SENP2: variants seen among roughly 807,000 people sequenced by gnomAD.
SENP2 encodes the protein SUMO specific peptidase 2.
Under a neutral mutation model 86.3 loss-of-function variants are expected in SENP2, and 16 were observed. The ratio of observed to expected loss-of-function variants is 0.19; its 90% CI spans 0.13 to 0.28. The LOEUF (loss-of-function observed/expected upper bound fraction) is 0.28. Ranked by LOEUF, SENP2 falls within the 10% of genes least tolerant of loss-of-function variation. The pLI is 1.00. For synonymous variants in SENP2, 222 were observed against 238.7 expected (o/e 0.93, Z 0.64); for missense variants, 552 against 703.0 (o/e 0.79, Z 2.43).
At chr3:185,628,194 T>C (rs1712234864) in intron 16 of SENP2, among the ~76,000 whole-genome samples, 1 of 152,042 alleles carries the variant, frequency 6.6e-6, no homozygotes, top group Admixed American at 6.6e-5. Flanking sequence ...TGGAGTGCAG[T>C]GTGGTGTGAT....
Position 185,586,610 on chromosome 3 carries a change from C to T in SENP2, c.101+96C>T. 1 of 1,163,806 alleles carries T rather than the reference C, an allele frequency of 8.6e-7. No homozygotes were observed. The highest frequency in any genetic ancestry group is 1.2e-6 in the Non-Finnish European group (1 of 801,126). 72.1% of individuals were successfully genotyped at this position (1,163,806 alleles called of 1,614,324 possible). Reference sequence around the variant, plus strand: ...TAGCTTTGATTCAGCCAGGCTCACCCGAAACAGGTCGCCGGGATCCTAGTG... The same window carrying T: ...TAGCTTTGATTCAGCCAGGCTCACCTGAAACAGGTCGCCGGGATCCTAGTG... On this transcript the variant is annotated intron_variant, in intron 1 of 16. Transcript: ENST00000296257. This position sits in a 1 kb window ranked among gnomAD's most constrained non-coding sequence, Gnocchi z 4.3.
rs754212707 is a variant in SENP2, at chr3:185,621,826, G to A, written c.1447G>A (p.Val483Met). 8 of 1,581,920 alleles carry A rather than the reference G, an allele frequency of 5.1e-6. No individual in the cohort carries two copies. In the African/African-American group the frequency reaches 9.4e-5, roughly 19 times the overall value. ...TGGATGTTATCTTTTTCCATTATAGGTGATTGACCTAAGAAAAAAGTGTCT... is the reference window on the plus strand; with the variant it reads ...TGGATGTTATCTTTTTCCATTATAGATGATTGACCTAAGAAAAAAGTGTCT... ...IHRKVHWSLV[V>M]IDLRKKCLKY... The change falls in exon 14 of 17, where the codon GTG (valine) becomes ATG (methionine). Residue 483 changes from valine to methionine, a missense_variant and splice_region_variant. Around this residue, in one of 2 missense-constraint regions of SENP2, gnomAD observed 169 missense variants for 275.7 expected, o/e 0.61. Transcript: ENST00000296257.
At chr3:185,623,825 T>TCAAAAAA (rs1712005799) in intron 14 of SENP2, among the ~76,000 whole-genome samples, 173 bp from the exon 15 acceptor site, 1 of 31,522 alleles carries the variant, frequency 3.2e-5, no homozygotes, top group Non-Finnish European at 5.1e-5. Flanking sequence ...AGACTCTGTC[T>TCAAAAAA]CAAAAAAAAA....
Position 185,632,213 on chromosome 3 carries a change from G to GTTTTTTTTTTTTTTTTTTTTTTTTTTTTT in SENP2, c.*2379_*2380insTTTTTTTTTTTTTTTTTTTTTTTTTTTTT, listed in dbSNP as rs369236428. On this transcript the variant is annotated 3_prime_UTR_variant, in exon 17 of 17. Coordinates refer to ENST00000296257, the MANE Select transcript of SENP2 (RefSeq NM_021627.3). ...CAAATTATCACCATTAAAGCCAGTGGTTTTTTTTTTGTTTTTTTTTTTTGT... is the reference window on the plus strand; with the variant it reads ...CAAATTATCACCATTAAAGCCAGTGGTTTTTTTTTTTTTTTTTTTTTTTTTTTTTTTTTTTTTTTGTTTTTTTTTTTTGT... The GTTTTTTTTTTTTTTTTTTTTTTTTTTTTT allele has an allele frequency of 8.0e-6, 1 of 125,326 alleles. No homozygotes were observed. Among genetic ancestry groups the GTTTTTTTTTTTTTTTTTTTTTTTTTTTTT allele is most frequent in the Non-Finnish European group, 1.6e-5 (1 of 60,740 alleles). The allele number at this position is 125,326 out of a possible 1,614,324, so 7.8% of individuals were successfully genotyped here. A position where few individuals can be genotyped will look rare whatever the true frequency, so the allele number is the denominator to read the frequency against.
At chr3:185,609,160 A>G in intron 6 of SENP2, 87 bp from the exon 7 acceptor site, 2 of 838,462 alleles carry the variant, frequency 2.4e-6, no homozygotes, top group Admixed American at 2.4e-5. Context: ...AGTGCTGGCA[A>G]ATAAAACACA....
intron 14 of SENP2, 96 bp downstream of exon 14, chr3:185,622,001 T>TC: frequency 1.4e-6 from 1 of 705,206 alleles, no homozygotes; most frequent in East Asian, 2.7e-5. Context: ...TAATGTGTAG[T>TC]TAAGGCTATT....
chr3:185,599,071 C>T (rs762468457), intron 4 of SENP2, 47 bp downstream of exon 4: 3 of 1,347,300 alleles, frequency 2.2e-6, no homozygotes, highest in Admixed American at 3.7e-5. Context: ...TCCTTCTGCC[C>T]ATTTTTTTCC....
At chr3:185,623,826 C>CAAAAAAAAAAAAAAAAAAAAAAAAAA (rs63707460) in intron 14 of SENP2, among the ~76,000 whole-genome samples, 172 bp from the exon 15 acceptor site, 1 of 47,786 alleles carries the variant, frequency 2.1e-5, no homozygotes, top group East Asian at 9.0e-4. Flanking sequence ...GACTCTGTCT[C>CAAAAAAAAAAAAAAAAAAAAAAAAAA]AAAAAAAAAA....
intron 10 of SENP2, among the ~76,000 whole-genome samples, chr3:185,614,153 T>A (rs1711512914): frequency 6.6e-6 from 1 of 152,226 alleles, no homozygotes; most frequent in Non-Finnish European, 1.5e-5. Flanking sequence ...ATGACTTTTT[T>A]CAAGGATAAA....
intron 9 of SENP2, 104 bp downstream of exon 9, chr3:185,612,762 G>A (rs1425506994): frequency 1.2e-6 from 1 of 810,596 alleles, no homozygotes; most frequent in Non-Finnish European, 2.0e-6. Flanking sequence ...GAACTCTCTT[G>A]AGTTCTGGTA....
At chr3:185,601,008 A>G (rs1429189090) in intron 5 of SENP2, among the ~76,000 whole-genome samples, 153 bp downstream of exon 5, 2 of 150,532 alleles carry the variant, frequency 1.3e-5, no homozygotes, top group Admixed American at 1.3e-4. Context: ...GAGAGACTTG[A>G]ACTTAGGGGT....
chr3:185,598,352 A>G, intron 2 of SENP2, 60 bp from the exon 3 acceptor site: 1 of 1,542,162 alleles, frequency 6.5e-7, no homozygotes, highest in Non-Finnish European at 8.9e-7. Flanking sequence ...CCAAGATATC[A>G]TTTTATTTTT....
intron 15 of SENP2, 54 bp downstream of exon 15, chr3:185,624,136 A>T: frequency 7.9e-7 from 1 of 1,271,712 alleles, no homozygotes; most frequent in Non-Finnish European, 1.1e-6. Context: ...CTAATAGTAT[A>T]TTATCTAGAT....
intron 2 of SENP2, among the ~76,000 whole-genome samples, chr3:185,591,606 C>T (rs1722000619): frequency 6.6e-6 from 1 of 152,210 alleles, no homozygotes; most frequent in Admixed American, 6.5e-5. Context: ...CTGCCTCAGC[C>T]TCCCAAAGTG....
intron 14 of SENP2, 118 bp downstream of exon 14, chr3:185,622,023 C>A: frequency 1.9e-6 from 1 of 530,214 alleles, no homozygotes; most frequent in South Asian, 3.4e-5. Flanking sequence ...CAGGACTTAG[C>A]ATGCATTTTA....
intron 2 of SENP2, among the ~76,000 whole-genome samples, chr3:185,590,829 C>T (rs1449113932): frequency 4.4e-5 from 2 of 45,490 alleles, no homozygotes; most frequent in Non-Finnish European, 3.9e-5. Context: ...CTACTGCACT[C>T]TGCACTCCAG....
At chr3:185,617,984 G>T (rs914896454) in intron 12 of SENP2, among the ~76,000 whole-genome samples, 1 of 152,082 alleles carries the variant, frequency 6.6e-6, no homozygotes, top group African/African-American at 2.4e-5. Context: ...TGCTCTTGTT[G>T]TCCAGGCTGG....
intron 16 of SENP2, among the ~76,000 whole-genome samples, chr3:185,627,340 A>C (rs1712198049): frequency 6.6e-6 from 1 of 152,190 alleles, no homozygotes; most frequent in Non-Finnish European, 1.5e-5. Flanking sequence ...GCCTGTGAGA[A>C]CTGAAGCCAC....
rs758884593 is a variant in SENP2 at position 185,607,319 on chromosome 3, C to CTTTTTTT, written c.618+841_618+847dup. Among the ~76,000 whole-genome samples the CTTTTTTT allele has an allele frequency of 9.1e-5, 6 of 66,034 alleles. 1 individual carries two copies. Among genetic ancestry groups the CTTTTTTT allele is most frequent in the South Asian group, 6.0e-4 (1 of 1,670 alleles). 43.3% of individuals were successfully genotyped at this position (66,034 alleles called of 152,430 possible). A position where few individuals can be genotyped will look rare whatever the true frequency, so the allele number is the denominator to read the frequency against. ...TATTAGGAAGAGATAAGATTAGATT[C>CTTTTTTT]TTTTTTTTTTTTTTTTTTTTTTTTT... On this transcript the variant is annotated intron_variant, in intron 6 of 16. Transcript: ENST00000296257.
Sources: gnomAD v4.1 joint callset for allele counts (sites outside exome capture counted in the v4.1 genomes callset) on GRCh38, gnomAD v4.1.1 for gene constraint, gnomAD v4.1.1 regional missense constraint, Gnocchi (gnomAD v3.1) non-coding constraint, MANE v1.5 for transcripts, NCBI Gene and HGNC (gene_info 2026-07-23, HGNC 2026-07-21) for gene names.